HDAC8: variants seen among roughly 807,000 people sequenced by gnomAD.
HDAC8 encodes the protein histone deacetylase 8.
HDAC8 carries 1 observed loss-of-function variant against 32.2 expected under a neutral mutation model. The observed-to-expected ratio is 0.03, with a 90% CI of 0.01 to 0.15. The LOEUF (loss-of-function observed/expected upper bound fraction) is 0.15. HDAC8 is among the 10% of genes least tolerant of loss of function. HDAC8 has a pLI of 1.00. For synonymous variants in HDAC8, 108 were observed against 113.9 expected (o/e 0.95, Z 0.33); for missense variants, 117 against 300.0 (o/e 0.39, Z 4.51).
intron 9 of HDAC8, among the ~76,000 whole-genome samples, chrX:72,454,724 A>G (rs1362285379): frequency 8.9e-6 from 1 of 112,613 alleles, no homozygotes; most frequent in Non-Finnish European, 1.9e-5. Context: ...ACTAGAAATT[A>G]AAAAGTCATT....
At chrX:72,485,621 G>A (rs1393401379) in intron 7 of HDAC8, among the ~76,000 whole-genome samples, 1 of 108,862 alleles carries the variant, frequency 9.2e-6, no homozygotes, top group East Asian at 2.8e-4. Context: ...AAAAGGAAAA[G>A]ACAAGACAAG....
At chrX:72,433,883 A>G (rs2046883192) in intron 9 of HDAC8, among the ~76,000 whole-genome samples, 1 of 112,106 alleles carries the variant, frequency 8.9e-6, no homozygotes, top group Non-Finnish European at 1.9e-5. Flanking sequence ...GGTTGTTAGG[A>G]GACCATGTAA....
chrX:72,343,906 G>T (rs1555945978), intron 10 of HDAC8, among the ~76,000 whole-genome samples: 1 of 112,996 alleles, frequency 8.8e-6, no homozygotes, highest in Admixed American at 9.3e-5. Flanking sequence ...ATTCCACCAG[G>T]GTGGTGTCAA....
chrX:72,484,744 A>T (rs1221334924), intron 7 of HDAC8, among the ~76,000 whole-genome samples: 1 of 111,839 alleles, frequency 8.9e-6, no homozygotes, highest in African/African-American at 3.3e-5. Flanking sequence ...GAGATTTCAG[A>T]ATAGTGCCCT....
chrX:72,374,153 TC>T (rs1449894643), intron 9 of HDAC8, among the ~76,000 whole-genome samples: 1 of 111,340 alleles, frequency 9.0e-6, no homozygotes, highest in Non-Finnish European at 1.9e-5. Flanking sequence ...CAAGCAATCC[TC>T]CCCGCCTCAG....
At chrX:72,399,518 T>A (rs1398609469) in intron 9 of HDAC8, among the ~76,000 whole-genome samples, 5 of 112,396 alleles carry the variant, frequency 4.4e-5, no homozygotes, top group African/African-American at 1.6e-4. Flanking sequence ...TGTGGGATTG[T>A]TATTGGAATT....
At chrX:72,365,080 G>C (rs1187237013) in intron 9 of HDAC8, among the ~76,000 whole-genome samples, 2 of 111,750 alleles carry the variant, frequency 1.8e-5, no homozygotes, top group Admixed American at 1.9e-4. Flanking sequence ...GGGACCAGAA[G>C]TATTTTGTAT....
At chrX:72,567,732 T>G (rs782112505) in intron 4 of HDAC8, 157 bp downstream of exon 4, 3 of 1,209,726 alleles carry the variant, frequency 2.5e-6, no homozygotes, top group Non-Finnish European at 3.4e-6. Context: ...TTAGGTAATC[T>G]TTTTTCTATT....
chrX:72,537,883 G>A (rs2050580061), intron 4 of HDAC8, among the ~76,000 whole-genome samples: 2 of 111,925 alleles, frequency 1.8e-5, no homozygotes, highest in Non-Finnish European at 1.9e-5. Context: ...GTACATGAAA[G>A]GCATTGAAAC....
chrX:72,567,534 G>A (rs782334787), intron 4 of HDAC8: 294 of 420,490 alleles, frequency 7.0e-4, no homozygotes, highest in Admixed American at 3.4e-3. Context: ...TAAGTCCCTC[G>A]AAGACAGGGG....
intron 4 of HDAC8, among the ~76,000 whole-genome samples, chrX:72,499,492 C>T (rs1359190168): frequency 1.8e-5 from 2 of 111,673 alleles, no homozygotes; most frequent in Non-Finnish European, 3.8e-5. Flanking sequence ...TCACTCAAAG[C>T]CATGCAACAA....
intron 9 of HDAC8, among the ~76,000 whole-genome samples, chrX:72,447,694 A>T (rs961876551): frequency 1.8e-5 from 2 of 112,089 alleles, no homozygotes; most frequent in Non-Finnish European, 3.8e-5. Context: ...AAACCCCATC[A>T]TCTCAGCCCC....
intron 7 of HDAC8, among the ~76,000 whole-genome samples, chrX:72,465,986 G>A (rs1298799541): frequency 8.9e-6 from 1 of 111,761 alleles, no homozygotes; most frequent in Non-Finnish European, 1.9e-5. Flanking sequence ...TAAAAATAAT[G>A]ACATATGATC....
At chrX:72,359,130 G>A (rs868957467) in intron 9 of HDAC8, among the ~76,000 whole-genome samples, 6 of 108,947 alleles carry the variant, frequency 5.5e-5, no homozygotes, top group Admixed American at 2.0e-4. Context: ...TTTAAGATGG[G>A]AGGATATTAA....
At chrX:72,513,888 A>C (rs1244953778) in intron 4 of HDAC8, among the ~76,000 whole-genome samples, 2 of 112,020 alleles carry the variant, frequency 1.8e-5, no homozygotes, top group Non-Finnish European at 3.8e-5. Context: ...AGAGAAACAA[A>C]GCATGGATTT....
At chrX:72,352,081 G>A (rs782000181) in intron 9 of HDAC8, among the ~76,000 whole-genome samples, 1 of 111,698 alleles carries the variant, frequency 9.0e-6, no homozygotes, top group Non-Finnish European at 1.9e-5. Flanking sequence ...TCTCTGCTTA[G>A]GTCTCAACTT....
chrX:72,476,896 T>C (rs1380488185), intron 7 of HDAC8, among the ~76,000 whole-genome samples: 1 of 111,462 alleles, frequency 9.0e-6, no homozygotes, highest in African/African-American at 3.3e-5. Context: ...ATTCTAATGG[T>C]CCCCAAAGGC....
At chrX:72,491,890 T>C (rs1274739979) in intron 5 of HDAC8, among the ~76,000 whole-genome samples, 2 of 111,734 alleles carry the variant, frequency 1.8e-5, no homozygotes, top group Non-Finnish European at 3.8e-5. Flanking sequence ...TCAGGTACTG[T>C]CCTCTTTCTT....
intron 8 of HDAC8, among the ~76,000 whole-genome samples, chrX:72,464,044 C>A (rs2047940080): frequency 8.9e-6 from 1 of 111,812 alleles, no homozygotes; most frequent in Non-Finnish European, 1.9e-5. Context: ...CAAGAATGCC[C>A]AAGAGACTAT....
Sources: gnomAD v4.1 joint callset for allele counts (sites outside exome capture counted in the v4.1 genomes callset) on GRCh38, gnomAD v4.1.1 for gene constraint, MANE v1.5 for transcripts, NCBI Gene and HGNC (gene_info 2026-07-23, HGNC 2026-07-21) for gene names.